The following CLEC16A variants were observed in gnomAD, a reference collection of about 807,000 sequenced individuals.
CLEC16A encodes C-type lectin domain containing 16A.
Under a neutral mutation model 109.5 loss-of-function variants are expected in CLEC16A, and 51 were observed. That is an observed-to-expected ratio of 0.47 (90% CI 0.37 to 0.59). The LOEUF is 0.59. Ranked by LOEUF, CLEC16A falls within the 20% of genes least tolerant of loss-of-function variation. The pLI, the probability that CLEC16A is intolerant of heterozygous loss-of-function variation, is 0.00. For synonymous variants in CLEC16A, 673 were observed against 564.2 expected, an observed-to-expected ratio of 1.19 and a Z score of -2.73; for missense variants, 1,339 against 1,394.0, an observed-to-expected ratio of 0.96 and a Z score of 0.63.
chr16:11,013,186 T>G (rs2045544068), intron 11 of CLEC16A, among the ~76,000 whole-genome samples: 1 of 152,222 alleles, frequency 6.6e-6, no homozygotes, highest in Non-Finnish European at 1.5e-5. Context: ...AGTTTTTTTC[T>G]TTTTATCCTC....
At chr16:11,093,103 G>A (rs75994935) in intron 19 of CLEC16A, among the ~76,000 whole-genome samples, 7,847 of 152,218 alleles carry the variant, frequency 0.052, 293 homozygotes, top group Non-Finnish European at 0.08. Flanking sequence ...CTTCCCTGCT[G>A]GCTCCTACAG....
At chr16:10,988,174 T>G (rs115147986) in intron 10 of CLEC16A, among the ~76,000 whole-genome samples, 2 of 152,200 alleles carry the variant, frequency 1.3e-5, no homozygotes, top group Non-Finnish European at 2.9e-5. Flanking sequence ...AATGAACATA[T>G]AGATTAGAAT....
intron 17 of CLEC16A, among the ~76,000 whole-genome samples, chr16:11,049,162 T>C (rs1319643652): frequency 6.6e-6 from 1 of 151,946 alleles, no homozygotes; most frequent in Non-Finnish European, 1.5e-5. Context: ...CGCCCACTAC[T>C]ACGCCCAGCT....
chr16:10,956,778 A>G (rs951005590), intron 1 of CLEC16A, among the ~76,000 whole-genome samples: 13 of 152,170 alleles, frequency 8.5e-5, no homozygotes, highest in African/African-American at 2.9e-4. Flanking sequence ...GTACAGCACC[A>G]TAGCCTCTGC....
rs77766995 is a variant in CLEC16A, at chr16:11,094,039, G to A, written c.2117-26576G>A. Among the ~76,000 whole-genome samples, 678 of 152,306 alleles carry A rather than the reference G, an allele frequency of 4.5e-3. 5 individuals carry two copies. Among genetic ancestry groups the A allele is most frequent in the Middle Eastern group, 0.031 (9 of 294 alleles). ...GACAGGCAGGTCCTATCATGTGCTT[G>A]TAGAAGCCATGGTGGTTAATTTCTG... On this transcript the variant is annotated intron_variant, in intron 19 of 23. Transcript: ENST00000409790.
intron 21 of CLEC16A, among the ~76,000 whole-genome samples, chr16:11,124,857 C>T (rs1233252193): frequency 1.3e-5 from 2 of 152,116 alleles, no homozygotes; most frequent in African/African-American, 2.4e-5. Context: ...GAGGCCAAGG[C>T]GGGTAACTCA....
intron 1 of CLEC16A, among the ~76,000 whole-genome samples, chr16:10,948,096 T>C (rs886841200): frequency 1.2e-4 from 19 of 152,262 alleles, no homozygotes; most frequent in East Asian, 3.9e-4. Context: ...GGTTTCACCG[T>C]GTTAGCCAGG....
At chr16:11,030,865 G>A (rs1181785160) in intron 13 of CLEC16A, among the ~76,000 whole-genome samples, 2 of 152,128 alleles carry the variant, frequency 1.3e-5, no homozygotes, top group Non-Finnish European at 1.5e-5. Flanking sequence ...GGCTGGTCTC[G>A]AACTCCTGAC....
At chr16:11,080,525 C>T (rs897882795) in intron 19 of CLEC16A, among the ~76,000 whole-genome samples, 1 of 152,190 alleles carries the variant, frequency 6.6e-6, no homozygotes, top group African/African-American at 2.4e-5. Context: ...GAACATTGGG[C>T]GGTCCATTCG....
chr16:11,047,446 C>A, intron 17 of CLEC16A, 104 bp downstream of exon 17: 2 of 679,740 alleles, frequency 2.9e-6, no homozygotes, highest in Non-Finnish European at 4.6e-6. Flanking sequence ...GGCTTTGTGA[C>A]CAAATAGCAC....
intron 11 of CLEC16A, among the ~76,000 whole-genome samples, chr16:11,017,853 G>A (rs1271479798): frequency 6.6e-6 from 1 of 152,062 alleles, no homozygotes; most frequent in Non-Finnish European, 1.5e-5. Context: ...AGGACAGTCT[G>A]AGAAACGTCA....
chr16:11,132,661 G>C (rs111374756), intron 22 of CLEC16A, among the ~76,000 whole-genome samples: 150 of 152,298 alleles, frequency 9.8e-4, no homozygotes, highest in African/African-American at 3.3e-3. Flanking sequence ...ATAGTCCTTA[G>C]CTTTAGCTGA....
intron 22 of CLEC16A, among the ~76,000 whole-genome samples, chr16:11,159,803 A>C (rs2054656817): frequency 6.6e-6 from 1 of 152,192 alleles, no homozygotes; most frequent in African/African-American, 2.4e-5. Flanking sequence ...TCTTTCTGAT[A>C]TAACTTTTCA....
At chr16:11,042,551 C>A (rs933416869) in intron 15 of CLEC16A, among the ~76,000 whole-genome samples, 188 bp downstream of exon 15, 3 of 152,158 alleles carry the variant, frequency 2.0e-5, no homozygotes, top group African/African-American at 7.2e-5. Context: ...TCCTTTCAGC[C>A]GAGACTCGCT....
chr16:11,037,912 T>A (rs1462149202), intron 13 of CLEC16A, among the ~76,000 whole-genome samples: 1 of 152,054 alleles, frequency 6.6e-6, no homozygotes, highest in Non-Finnish European at 1.5e-5. Flanking sequence ...TCAGTTGACA[T>A]TCTTCTTGCC....
At chr16:11,140,236 G>C (rs897006058) in intron 22 of CLEC16A, among the ~76,000 whole-genome samples, 3 of 152,170 alleles carry the variant, frequency 2.0e-5, no homozygotes, top group African/African-American at 7.2e-5. Flanking sequence ...CTCCGGTGCT[G>C]GGTTCCAGGC....
intron 12 of CLEC16A, among the ~76,000 whole-genome samples, chr16:11,023,193 C>CT (rs1440165550): frequency 3.6e-5 from 5 of 140,694 alleles, no homozygotes; most frequent in Non-Finnish European, 7.7e-5. Flanking sequence ...ATTTTGTATT[C>CT]TTTTTTTCCA....
At chr16:11,134,506 A>C (rs2053446124) in intron 22 of CLEC16A, among the ~76,000 whole-genome samples, 1 of 152,078 alleles carries the variant, frequency 6.6e-6, no homozygotes, top group Non-Finnish European at 1.5e-5. Flanking sequence ...CCTGCCTCTA[A>C]ATCCCATTTG....
chr16:11,027,474 C>G (rs1037243509), intron 13 of CLEC16A: 2 of 1,582,378 alleles, frequency 1.3e-6, no homozygotes, highest in Admixed American at 1.7e-5. Flanking sequence ...TGTCCGAGAA[C>G]TCATTTTGAA....
Sources: allele counts gnomAD v4.1 joint callset (sites outside exome capture counted in the v4.1 genomes callset), GRCh38; gene constraint gnomAD v4.1.1; transcripts MANE v1.5; gene names NCBI Gene and HGNC (gene_info 2026-07-23, HGNC 2026-07-21).